The following HEG1 variants were observed in gnomAD, a reference collection of about 807,000 sequenced individuals.
HEG1 encodes protein HEG homolog 1.
Under a neutral mutation model 125.6 loss-of-function variants are expected in HEG1, and 56 were observed. That is an observed-to-expected ratio of 0.45 (90% CI 0.36 to 0.56). The LOEUF (loss-of-function observed/expected upper bound fraction) is 0.56, where lower values mean the gene tolerates loss of function less well. Ranked by LOEUF, HEG1 falls within the 20% of genes least tolerant of loss-of-function variation. The pLI, the probability that HEG1 is intolerant of heterozygous loss-of-function variation, is 0.00. For synonymous variants in HEG1, 644 were observed against 668.5 expected, an observed-to-expected ratio of 0.96 and a Z score of 0.57; for missense variants, 1,523 against 1,670.0, an observed-to-expected ratio of 0.91 and a Z score of 1.53.
intron 11 of HEG1, among the ~76,000 whole-genome samples, chr3:125,000,090 G>C (rs965959394): frequency 6.6e-6 from 1 of 152,186 alleles, no homozygotes; most frequent in Non-Finnish European, 1.5e-5. Flanking sequence ...GCAAAACCTG[G>C]AGAAGACCTG....
chr3:125,039,177 G>GTT lies in HEG1; in HGVS notation c.317-9691_317-9690dup, dbSNP rs369365364. Among the ~76,000 whole-genome samples, 470 of 149,192 alleles carry GTT rather than the reference G, an allele frequency of 3.2e-3. 2 individuals carry two copies. Among genetic ancestry groups the GTT allele is most frequent in the African/African-American group, 0.011 (436 of 40,804 alleles). ...GAGCGTTTTATTGCTTGCTTTGCCT[G>GTT]TTTTTTTTTTCCTCCTAATTGACAA... On this transcript the variant is annotated intron_variant, in intron 1 of 16. Coordinates refer to ENST00000311127, the MANE Select transcript of HEG1 (RefSeq NM_020733.2).
intron 6 of HEG1, among the ~76,000 whole-genome samples, chr3:125,012,209 T>A (rs1383352529): frequency 6.6e-6 from 1 of 152,176 alleles, no homozygotes; most frequent in African/African-American, 2.4e-5. Flanking sequence ...ACCCAGTTGA[T>A]CCCTGTGTCA....
chr3:125,050,685 A>G (rs531268979), intron 1 of HEG1, among the ~76,000 whole-genome samples: 46 of 152,342 alleles, frequency 3.0e-4, no homozygotes, highest in African/African-American at 1.1e-3. Flanking sequence ...TGTGTGCTCC[A>G]ACAAGACTGA....
intron 8 of HEG1, among the ~76,000 whole-genome samples, chr3:125,008,567 A>G (rs1660134341): frequency 6.6e-6 from 1 of 152,210 alleles, no homozygotes; most frequent in Non-Finnish European, 1.5e-5. Flanking sequence ...TTGGGAGGCC[A>G]AGGCAGGCAG....
In HEG1 at chr3:124,967,458, T is replaced by G. The variant is rs1936335956; in HGVS notation, c.*3194A>C. On this transcript the variant is annotated 3_prime_UTR_variant, in exon 17 of 17. Transcript: ENST00000311127. ...CACATTTTCAAAAGGGTAGTCAGCATTTTTTTTTTTTTTTTTTTGCATTTC... is the reference window on the plus strand; with the variant it reads ...CACATTTTCAAAAGGGTAGTCAGCAGTTTTTTTTTTTTTTTTTTGCATTTC... The G allele has an allele frequency of 6.8e-5, 1 of 14,726 alleles. No homozygotes were observed. The highest frequency in any genetic ancestry group is 1.5e-4 in the Non-Finnish European group (1 of 6,464). 0.9% of individuals were successfully genotyped at this position (14,726 alleles called of 1,614,324 possible).
At chr3:125,048,805 T>A (rs929647949) in intron 1 of HEG1, among the ~76,000 whole-genome samples, 45 of 151,960 alleles carry the variant, frequency 3.0e-4, no homozygotes, top group African/African-American at 1.0e-3. Flanking sequence ...AAAAGAGCAG[T>A]GGGGAGGAAG....
In HEG1 at chr3:124,970,612, G is replaced by C. The variant is rs201357246; in HGVS notation, c.*40C>G. The C allele has an allele frequency of 6.4e-6, 10 of 1,562,154 alleles. No homozygotes were observed. The East Asian group carries it at 2.1e-4, about 33-fold the overall frequency. ...GCGGTCCTCTGAGCAGAGGTCCCAG[G>C]TGACTGGCTCAGAGCAATGAGTCCC... On this transcript the variant is annotated 3_prime_UTR_variant, in exon 17 of 17. Transcript: ENST00000311127.
rs533572376 is a variant in HEG1, at chr3:125,020,821, G to C, written c.1223C>G (p.Thr408Arg). ...EPSTENEFGL[T>R]SLRWQNDSPT... ...GGAATCATTTTGCCAACGCAAAGAC[G>C]TAAGTCCAAATTCATTTTCTGTGGA... is the stretch of plus-strand genomic sequence containing the variant. The change falls in exon 4 of 17, where the codon ACG becomes AGG. Residue 408 changes from threonine to arginine, a missense_variant. Thr to Arg is a moderately conservative substitution (Grantham distance 71). Transcript: ENST00000311127. The C allele has an allele frequency of 6.2e-7, 1 of 1,613,816 alleles. No homozygotes were observed. The highest frequency in any genetic ancestry group is 1.7e-5 in the Admixed American group (1 of 60,018).
At chr3:124,989,865 T>C (rs1471168148) in intron 14 of HEG1, among the ~76,000 whole-genome samples, 2 of 152,164 alleles carry the variant, frequency 1.3e-5, no homozygotes, top group African/African-American at 4.8e-5. Flanking sequence ...CTGACAGTTA[T>C]TGATTAGAGT....
intron 1 of HEG1, among the ~76,000 whole-genome samples, chr3:125,033,915 T>C (rs1046181625): frequency 1.3e-5 from 2 of 152,250 alleles, no homozygotes; most frequent in Non-Finnish European, 2.9e-5. Flanking sequence ...GAGAATCTAA[T>C]GCCTGATATG....
intron 11 of HEG1, among the ~76,000 whole-genome samples, chr3:125,000,053 G>GGTTA: frequency 6.6e-6 from 1 of 152,314 alleles, no homozygotes; most frequent in African/African-American, 2.4e-5. Flanking sequence ...TACTCAGAAA[G>GGTTA]GTTAGCATGA....
chr3:125,042,067 T>A (rs186082219), intron 1 of HEG1, among the ~76,000 whole-genome samples: 213 of 152,366 alleles, frequency 1.4e-3, no homozygotes, highest in African/African-American at 5.0e-3. Context: ...GCCACTGAAC[T>A]GTATACTTAA....
chr3:125,051,611 T>A, intron 1 of HEG1, among the ~76,000 whole-genome samples: 1 of 152,202 alleles, frequency 6.6e-6, no homozygotes, highest in South Asian at 2.1e-4. Flanking sequence ...CACACATACG[T>A]GTTCAAAGGC....
At chr3:125,048,505 G>A (rs559820022) in intron 1 of HEG1, among the ~76,000 whole-genome samples, 2 of 152,238 alleles carry the variant, frequency 1.3e-5, no homozygotes, top group African/African-American at 2.4e-5. Flanking sequence ...GCTATAGGCA[G>A]GGGGATGCCA....
At chr3:124,981,281 A>T (rs1936647865) in intron 14 of HEG1, among the ~76,000 whole-genome samples, 1 of 144,990 alleles carries the variant, frequency 6.9e-6, no homozygotes, top group Non-Finnish European at 1.5e-5. Context: ...AGTCAACTCG[A>T]CTGTGGACTG....
chr3:125,015,057 A>G, intron 5 of HEG1: 1 of 1,193,880 alleles, frequency 8.4e-7, no homozygotes, highest in Non-Finnish European at 1.1e-6. Context: ...GCAGGGCTGG[A>G]GCGACAGGAT....
intron 8 of HEG1, among the ~76,000 whole-genome samples, chr3:125,008,557 T>A (rs1483302673): frequency 6.6e-6 from 1 of 152,178 alleles, no homozygotes; most frequent in Non-Finnish European, 1.5e-5. Context: ...TCCCAGCACG[T>A]TGGGAGGCCA....
Position 124,987,952 on chromosome 3 carries a change from C to CACACACACACACACATAT in HEG1, c.3733+2834_3733+2835insATATGTGTGTGTGTGTGT. On this transcript the variant is annotated intron_variant, in intron 14 of 16. Coordinates refer to ENST00000311127, the MANE Select transcript of HEG1 (RefSeq NM_020733.2). ...ACACACACACACACACACACACACA[C>CACACACACACACACATAT]ATATATATATATATATATATATACC... 2.3e-3 allele frequency among the ~76,000 whole-genome samples: 127 copies of CACACACACACACACATAT among 54,680 alleles called. 2 individuals are homozygous for CACACACACACACACATAT. The highest frequency in any genetic ancestry group is 6.6e-3 in the East Asian group (14 of 2,124). The allele number at this position is 54,680 out of a possible 152,430, so 35.9% of individuals were successfully genotyped here.
At chr3:124,998,074 T>C (rs1240601246) in intron 11 of HEG1, among the ~76,000 whole-genome samples, 1 of 152,156 alleles carries the variant, frequency 6.6e-6, no homozygotes, top group Admixed American at 6.5e-5. Context: ...CCTCACAGCG[T>C]GCCACGGACC....
Sources: allele counts gnomAD v4.1 joint callset (sites outside exome capture counted in the v4.1 genomes callset), GRCh38; gene constraint gnomAD v4.1.1; transcripts MANE v1.5; gene names NCBI Gene and HGNC (gene_info 2026-07-23, HGNC 2026-07-21).